TTBK2: variants seen among roughly 807,000 people sequenced by gnomAD.
TTBK2 encodes the protein tau tubulin kinase 2.
Under a neutral mutation model 110.8 loss-of-function variants are expected in TTBK2, and 28 were observed. The observed-to-expected ratio is 0.25, with a 90% CI of 0.19 to 0.35. The LOEUF (loss-of-function observed/expected upper bound fraction) is 0.35. Among genes scored for constraint, TTBK2 ranks in the 10% least tolerant of loss-of-function variants. The pLI is 1.00. For missense variants in TTBK2, 1,369 were observed against 1,500.3 expected (o/e 0.91, Z 1.45); for synonymous variants, 532 against 527.3 (o/e 1.01, Z -0.12).
In TTBK2 at chr15:42,878,664, C is replaced by G. The variant is rs763343146; in HGVS notation, c.-47G>C. On this transcript the variant is annotated 5_prime_UTR_variant, in exon 2 of 15. Coordinates refer to ENST00000267890, the MANE Select transcript of TTBK2 (RefSeq NM_173500.4). The stretch of plus-strand genomic sequence containing the variant: ...AACAGCTACACAGGCATCCAGTTCC[C>G]AAGGGTGGTTTCCATTTAACCTAAA... 6.2e-7 allele frequency: 1 copy of G among 1,613,448 alleles called. No homozygotes were observed. Among genetic ancestry groups the G allele is most frequent in the Non-Finnish European group, 8.5e-7 (1 of 1,179,772 alleles).
intron 10 of TTBK2, among the ~76,000 whole-genome samples, chr15:42,788,318 C>G (rs1890497700): frequency 6.6e-6 from 1 of 152,110 alleles, no homozygotes; most frequent in Non-Finnish European, 1.5e-5. Context: ...AATACCTGAT[C>G]AATTTTTGTG....
Position 42,794,710 on chromosome 15 carries a change from G to C in TTBK2, c.914C>G (p.Ser305Cys). 1 of 1,614,070 alleles carries C rather than the reference G, an allele frequency of 6.2e-7. No individual in the cohort carries two copies. Among genetic ancestry groups the C allele is most frequent in the Non-Finnish European group, 8.5e-7 (1 of 1,180,022 alleles). Residue 305 changes from serine to cysteine, a missense_variant, in exon 10 of 15, where the codon TCC becomes TGC. Ser to Cys is a moderately radical substitution (Grantham distance 112). Coordinates refer to ENST00000267890, the MANE Select transcript of TTBK2 (RefSeq NM_173500.4). Reference protein sequence around the residue: ...FDWEKTGNDGSLTTTTTSTTP... With the variant: ...FDWEKTGNDGCLTTTTTSTTP... The stretch of plus-strand genomic sequence containing the variant: ...GGTAGAAGTAGTGGTGGTTGTTAGG[G>C]AGCCATCATTTCCAGTCTTCTCCCA...
At chr15:42,873,106 A>G (rs954485206) in intron 2 of TTBK2, among the ~76,000 whole-genome samples, 2 of 152,122 alleles carry the variant, frequency 1.3e-5, no homozygotes, top group Admixed American at 6.5e-5. Context: ...TTGTTGTTTT[A>G]ATTTTAAGGA....
At position 42,752,980 on chromosome 15, in the gene TTBK2, G is replaced by A; in HGVS notation, c.2266C>T (p.Pro756Ser). ...CTATTATGATCAGGAAGTTCTTTTG[G>A]TCCCAGGTCTTGAGATTTGTTACTT... ...RESNKSQDLG[P>S]KELPDHNRLV... is the part of the protein sequence containing the mutation. The change falls in exon 14 of 15, where the codon CCA becomes TCA. Residue 756 changes from proline to serine, a missense_variant. By Grantham distance (74) the Pro-to-Ser change is moderately conservative. Coordinates refer to ENST00000267890, the MANE Select transcript of TTBK2 (RefSeq NM_173500.4). 1.2e-6 allele frequency: 2 copies of A among 1,614,102 alleles called. No individual in the cohort carries two copies. The highest frequency in any genetic ancestry group is 1.3e-5 in the African/African-American group (1 of 75,002).
chr15:42,797,463 A>G (rs1005065017), intron 9 of TTBK2, among the ~76,000 whole-genome samples: 1 of 152,232 alleles, frequency 6.6e-6, no homozygotes, highest in Non-Finnish European at 1.5e-5. Flanking sequence ...GAAAGCTAAA[A>G]GCACTGAGGC....
At chr15:42,751,754 G>T (rs544649492) in intron 14 of TTBK2, among the ~76,000 whole-genome samples, 7 of 151,958 alleles carry the variant, frequency 4.6e-5, no homozygotes, top group Admixed American at 4.6e-4. Flanking sequence ...AAAAACAAAC[G>T]AAACAAAAGA....
chr15:42,902,089 G>A (rs1048728645), intron 1 of TTBK2, among the ~76,000 whole-genome samples: 14 of 151,718 alleles, frequency 9.2e-5, no homozygotes, highest in Non-Finnish European at 1.3e-4. Context: ...GGTAGAGCAC[G>A]TCTGTAGTCC....
intron 1 of TTBK2, among the ~76,000 whole-genome samples, chr15:42,915,152 A>T (rs2031011791): frequency 6.6e-6 from 1 of 152,256 alleles, no homozygotes; most frequent in African/African-American, 2.4e-5. Context: ...TAAATGGAGA[A>T]TTCCAGAAAT....
At chr15:42,849,933 G>C (rs931394626) in intron 3 of TTBK2, among the ~76,000 whole-genome samples, 10 of 152,068 alleles carry the variant, frequency 6.6e-5, no homozygotes, top group Admixed American at 1.3e-4. Flanking sequence ...CCCTTTTCCA[G>C]TCTTCCAGCA....
At chr15:42,814,107 C>T (rs527269002) in intron 7 of TTBK2, among the ~76,000 whole-genome samples, 131 of 151,968 alleles carry the variant, frequency 8.6e-4, no homozygotes, top group African/African-American at 2.9e-3. Flanking sequence ...CTGCAACCTC[C>T]GCCTCCCAGG....
At chr15:42,852,545 G>T (rs1219942205) in intron 3 of TTBK2, among the ~76,000 whole-genome samples, 1 of 152,080 alleles carries the variant, frequency 6.6e-6, no homozygotes, top group Non-Finnish European at 1.5e-5. Flanking sequence ...TGTGCATATG[G>T]AGCATATATA....
intron 13 of TTBK2, among the ~76,000 whole-genome samples, chr15:42,773,644 T>C (rs1889773034): frequency 6.6e-6 from 1 of 151,716 alleles, no homozygotes; most frequent in Non-Finnish European, 1.5e-5. Context: ...GGAGCAAAGG[T>C]TTTAGAAAGC....
In TTBK2 at chr15:42,811,762, C is replaced by A; in HGVS notation, c.622G>T (p.Asp208Tyr). Residue 208 changes from aspartate (D) to tyrosine (Y), a missense_variant, in exon 8 of 15, where the codon GAC becomes TAC. Asp to Tyr is a radical substitution (Grantham distance 160). This residue lies in a region of TTBK2 where 138 missense variants were observed against 179.0 expected (regional missense o/e 0.77). Transcript: ENST00000267890. ...AACATGTAGAATAAGGACCAAAGGT[C>A]ATCATGTCTTCCCATTTCCTTCATA... ...HRNREMGRHD[D>Y]LWSLFYMLVE... 6.2e-7 allele frequency: 1 copy of A among 1,613,596 alleles called. No homozygotes were observed. The highest frequency in any genetic ancestry group is 1.1e-5 in the South Asian group (1 of 91,060).
At chr15:42,804,652 T>C (rs1174384188) in intron 9 of TTBK2, among the ~76,000 whole-genome samples, 1 of 152,176 alleles carries the variant, frequency 6.6e-6, no homozygotes, top group Non-Finnish European at 1.5e-5. Context: ...GTTGAAATTA[T>C]TCTTGAAAGT....
At chr15:42,843,134 G>C (rs757814192) in intron 3 of TTBK2, among the ~76,000 whole-genome samples, 2 of 152,184 alleles carry the variant, frequency 1.3e-5, no homozygotes, top group Non-Finnish European at 2.9e-5. Flanking sequence ...GTAACAGTGA[G>C]AGACATCCAA....
At chr15:42,839,793 G>T (rs1239398312) in intron 4 of TTBK2, among the ~76,000 whole-genome samples, 1 of 152,082 alleles carries the variant, frequency 6.6e-6, no homozygotes, top group Non-Finnish European at 1.5e-5. Context: ...CTTGGAAGTA[G>T]GTTCCTGATA....
intron 1 of TTBK2, among the ~76,000 whole-genome samples, chr15:42,901,963 C>T (rs2030046654): frequency 6.6e-6 from 1 of 152,176 alleles, no homozygotes; most frequent in Admixed American, 6.5e-5. Flanking sequence ...CGCTTGTAAT[C>T]CCAGCACTTT....
chr15:42,891,363 A>G (rs1895448768), intron 1 of TTBK2, among the ~76,000 whole-genome samples: 1 of 150,630 alleles, frequency 6.6e-6, no homozygotes, highest in African/African-American at 2.4e-5. Flanking sequence ...TTGTAGAGAC[A>G]GAGTCTGGGT....
chr15:42,753,257 G>C lies in TTBK2; in HGVS notation c.1999-10C>G. 1.2e-6 allele frequency: 2 copies of C among 1,612,634 alleles called. No individual in the cohort carries two copies. Among genetic ancestry groups the C allele is most frequent in the Non-Finnish European group, 1.7e-6 (2 of 1,179,328 alleles). On this transcript the variant is annotated splice_polypyrimidine_tract_variant and intron_variant, in intron 13 of 14. Coordinates refer to ENST00000267890, the MANE Select transcript of TTBK2 (RefSeq NM_173500.4). ...GTCTAGGAATTGTAATCTGGAGAAG[G>C]GGAAGAAAAAATTAAAATGCAATTA...
Sources: allele counts gnomAD v4.1 joint callset (sites outside exome capture counted in the v4.1 genomes callset), GRCh38; gene constraint gnomAD v4.1.1; regional missense constraint gnomAD v4.1.1; transcripts MANE v1.5; gene names NCBI Gene and HGNC (gene_info 2026-07-23, HGNC 2026-07-21).